The following AGMO variants were observed in gnomAD, a reference collection of about 807,000 sequenced individuals.
The protein encoded by AGMO is glyceryl-ether monooxygenase.
A neutral mutation model predicts 60.2 loss-of-function variants in AGMO; 75 were observed. The observed-to-expected ratio is 1.25, with a 90% confidence interval of 1.03 to 1.51. The LOEUF (loss-of-function observed/expected upper bound fraction) is 1.51, where lower values mean the gene tolerates loss of function less well. Among genes scored for constraint, AGMO ranks in the 40% most tolerant of loss-of-function variants. AGMO has a pLI of 0.00. For synonymous variants in AGMO, 261 were observed against 177.1 expected, an observed-to-expected ratio of 1.47 and a Z score of -3.76; for missense variants, 763 against 525.5, an observed-to-expected ratio of 1.45 and a Z score of -4.42.
intron 10 of AGMO, among the ~76,000 whole-genome samples, chr7:15,380,252 C>G (rs570226749): frequency 8.5e-5 from 13 of 152,148 alleles, no homozygotes; most frequent in Admixed American, 5.2e-4. Flanking sequence ...GATCCTCTAC[C>G]TAGAAAACCC....
chr7:15,446,053 A>G (rs1420907407), intron 3 of AGMO, among the ~76,000 whole-genome samples: 6 of 152,210 alleles, frequency 3.9e-5, no homozygotes, highest in African/African-American at 1.4e-4. Flanking sequence ...AGGAAGTGTT[A>G]TTTTCAAAAC....
chr7:15,338,406 TAAAC>T lies in AGMO; in HGVS notation c.1263+27104_1263+27107del, dbSNP rs1177544468. Among the ~76,000 whole-genome samples the T allele has an allele frequency of 5.3e-5, 8 of 152,296 alleles. No homozygotes were observed. In the South Asian group the frequency reaches 1.0e-3, roughly 20 times the overall value. ...GCATTCTAATCAGTCAAATTATTGT[TAAAC>T]AAAAAATTTTGCAGATAAGTTTCTG... On this transcript the variant is annotated intron_variant, in intron 12 of 12. Coordinates refer to ENST00000342526, the MANE Select transcript of AGMO (RefSeq NM_001004320.2).
rs1218840537 is a variant in AGMO, at chr7:15,434,115, G to A, written c.410-3007C>T. Among the ~76,000 whole-genome samples the A allele has an allele frequency of 2.0e-5, 3 of 151,972 alleles. No individual in the cohort carries two copies. In the East Asian group the frequency reaches 5.8e-4, roughly 29 times the overall value. The stretch of plus-strand genomic sequence containing the variant: ...TCCCCCACCTCCTTTTTGTGGTTGT[G>A]GTAGTCAGACTTCAAGATGGCTCCC... On this transcript the variant is annotated intron_variant, in intron 3 of 12. Coordinates refer to ENST00000342526, the MANE Select transcript of AGMO (RefSeq NM_001004320.2).
intron 12 of AGMO, among the ~76,000 whole-genome samples, chr7:15,342,175 A>T (rs1781876344): frequency 7.5e-6 from 1 of 132,532 alleles, no homozygotes; most frequent in Non-Finnish European, 1.5e-5. Context: ...ACAGAGTTAA[A>T]AAAAAAAAAA....
At chr7:15,396,553 G>C (rs186354113) in intron 5 of AGMO, 4 of 152,280 alleles carry the variant, frequency 2.6e-5, no homozygotes, top group African/African-American at 9.6e-5. Context: ...CTACCACAAC[G>C]AGGAAAAGGA....
intron 12 of AGMO, among the ~76,000 whole-genome samples, chr7:15,352,161 G>A (rs1456112449): frequency 6.6e-6 from 1 of 152,080 alleles, no homozygotes; most frequent in Non-Finnish European, 1.5e-5. Context: ...GACTGTTAGG[G>A]GAATCGAAAG....
chr7:15,326,976 G>GC (rs1251855390), intron 12 of AGMO, among the ~76,000 whole-genome samples: 1 of 152,046 alleles, frequency 6.6e-6, no homozygotes, highest in Non-Finnish European at 1.5e-5. Flanking sequence ...CTAGAATTTG[G>GC]CATTTTTTGT....
chr7:15,257,209 C>G (rs1303678480), intron 12 of AGMO, among the ~76,000 whole-genome samples: 1 of 151,866 alleles, frequency 6.6e-6, no homozygotes, highest in African/African-American at 2.4e-5. Context: ...TTTACATAAA[C>G]CATATAAACA....
At chr7:15,347,790 T>C (rs1384605636) in intron 12 of AGMO, among the ~76,000 whole-genome samples, 1 of 152,074 alleles carries the variant, frequency 6.6e-6, no homozygotes, top group East Asian at 1.9e-4. Flanking sequence ...ATTTAGCTTA[T>C]GACTCCTGAG....
chr7:15,390,783 C>A (rs1784105166), intron 7 of AGMO, 33 bp from the exon 8 acceptor site: 1 of 1,593,790 alleles, frequency 6.3e-7, no homozygotes, highest in Non-Finnish European at 8.6e-7. Context: ...TGAGATTTGG[C>A]TTCCTGTAAA....
chr7:15,513,090 T>C (rs539292861), intron 3 of AGMO, among the ~76,000 whole-genome samples: 2 of 152,242 alleles, frequency 1.3e-5, no homozygotes, highest in Non-Finnish European at 2.9e-5. Flanking sequence ...CTGTGTCTGA[T>C]ACTATTGAAA....
chr7:15,135,297 G>A, the AGMO span, among the ~76,000 whole-genome samples: 5 of 151,898 alleles, frequency 3.3e-5, no homozygotes, highest in African/African-American at 9.7e-5. Context: ...AATGGAACCC[G>A]GGAAGCTATC....
intron 10 of AGMO, among the ~76,000 whole-genome samples, chr7:15,382,422 A>T (rs1368130130): frequency 3.9e-5 from 6 of 152,340 alleles, no homozygotes; most frequent in Middle Eastern, 3.4e-3. Context: ...ACTCATGGTT[A>T]AATTCATGAC....
chr7:15,387,688 A>G (rs1562478977), intron 8 of AGMO, 148 bp from the exon 9 acceptor site: 4 of 668,218 alleles, frequency 6.0e-6, no homozygotes, highest in Non-Finnish European at 2.5e-6. Context: ...GTGTAATTGC[A>G]TTCCATGCTG....
At chr7:15,221,136 G>A (rs941535552) in intron 12 of AGMO, among the ~76,000 whole-genome samples, 1 of 152,088 alleles carries the variant, frequency 6.6e-6, no homozygotes. Flanking sequence ...CTCCTTGGTA[G>A]TGGGCTCACC....
At chr7:15,210,535 A>G (rs796499200) in intron 12 of AGMO, among the ~76,000 whole-genome samples, 9 of 152,262 alleles carry the variant, frequency 5.9e-5, no homozygotes, top group African/African-American at 2.2e-4. Context: ...ATTTTAAAAA[A>G]TGATTCCTAT....
chr7:15,185,372 T>C, the AGMO span, among the ~76,000 whole-genome samples: 2 of 152,194 alleles, frequency 1.3e-5, no homozygotes, highest in African/African-American at 4.8e-5. Context: ...ACATTAGGTT[T>C]CAATTTTGTT....
chr7:15,143,601 A>G, the AGMO span, among the ~76,000 whole-genome samples: 1 of 152,154 alleles, frequency 6.6e-6, no homozygotes, highest in East Asian at 1.9e-4. Flanking sequence ...GGGTATATTC[A>G]GAAATATTTA....
intron 3 of AGMO, among the ~76,000 whole-genome samples, chr7:15,458,677 G>T (rs960823391): frequency 1.3e-5 from 2 of 151,914 alleles, no homozygotes; most frequent in African/African-American, 4.8e-5. Context: ...CACATACATC[G>T]CCACCTTTAA....
Sources: gnomAD v4.1 joint callset for allele counts (sites outside exome capture counted in the v4.1 genomes callset) on GRCh38, gnomAD v4.1.1 for gene constraint, MANE v1.5 for transcripts, NCBI Gene and HGNC (gene_info 2026-07-23, HGNC 2026-07-21) for gene names.